ARPP21: variants seen among roughly 807,000 people sequenced by gnomAD.
ARPP21 encodes the protein cAMP regulated phosphoprotein 21.
In ARPP21, 69 loss-of-function variants were observed where a neutral mutation model predicts 113.2. The ratio of observed to expected loss-of-function variants is 0.61; its 90% CI spans 0.50 to 0.74. ARPP21 has a LOEUF of 0.74. Among genes scored for constraint, ARPP21 ranks in the 30% least tolerant of loss-of-function variants. ARPP21 has a pLI of 0.00. For synonymous variants in ARPP21, 368 were observed against 375.5 expected (o/e 0.98, Z 0.23); for missense variants, 1,070 against 1,037.4 (o/e 1.03, Z -0.43).
chr3:35,652,296 A>T (rs1169138919), intron 1 of ARPP21, among the ~76,000 whole-genome samples: 1 of 152,096 alleles, frequency 6.6e-6, no homozygotes, highest in African/African-American at 2.4e-5. Flanking sequence ...ATGATTTCAA[A>T]TAAAATTACA....
At chr3:35,661,634 T>C (rs1273720286) in intron 1 of ARPP21, among the ~76,000 whole-genome samples, 1 of 152,160 alleles carries the variant, frequency 6.6e-6, no homozygotes, top group Non-Finnish European at 1.5e-5. Flanking sequence ...ATTCAAAAAA[T>C]CAACAGTATT....
At chr3:35,765,405 A>T (rs920846674) in intron 19 of ARPP21, among the ~76,000 whole-genome samples, 2 of 152,148 alleles carry the variant, frequency 1.3e-5, no homozygotes, top group African/African-American at 4.8e-5. Flanking sequence ...CGAGTGGGGT[A>T]GAAGGGAAAT....
intron 5 of ARPP21, 116 bp from the exon 6 acceptor site, chr3:35,687,623 A>G: frequency 1.1e-6 from 1 of 933,670 alleles, no homozygotes; most frequent in Non-Finnish European, 1.6e-6. Context: ...CCATTTAGAA[A>G]AAAAAAATCT....
In ARPP21 at chr3:35,666,286, G is replaced by A. The variant is rs148136288; in HGVS notation, c.-212-13501G>A. Among the ~76,000 whole-genome samples, 7 of 152,178 alleles carry A rather than the reference G, an allele frequency of 4.6e-5. No individual in the cohort carries two copies. The East Asian group carries it at 1.2e-3, about 25-fold the overall frequency. On this transcript the variant is annotated intron_variant, in intron 1 of 20. Transcript: ENST00000684406. ...ATTTTTTACTGGTTTCTTGTAGAGG[G>A]AAGCAAGCTTAGAACAAAATATTCC...
intron 19 of ARPP21, among the ~76,000 whole-genome samples, chr3:35,759,668 TTC>T (rs66771543): frequency 0.015 from 2,038 of 138,450 alleles, 40 homozygotes; most frequent in African/African-American, 0.046. Flanking sequence ...TCCTTTCATT[TTC>T]TCTCTCTGTG....
intron 1 of ARPP21, among the ~76,000 whole-genome samples, chr3:35,647,405 G>T (rs1308183954): frequency 6.6e-6 from 1 of 152,092 alleles, no homozygotes; most frequent in Non-Finnish European, 1.5e-5. Flanking sequence ...GCTTCTGATT[G>T]AAACTCAGAT....
rs1398363241 is a variant in ARPP21 at position 35,793,759 on chromosome 3, T to C, written c.2345T>C (p.Met782Thr). 3.1e-6 allele frequency: 5 copies of C among 1,613,794 alleles called. No individual in the cohort carries two copies. In the African/African-American group the frequency reaches 5.3e-5, roughly 17 times the overall value. The change falls in exon 21 of 21, where the codon ATG becomes ACG. Residue 782 changes from methionine (M) to threonine (T), a missense_variant. Met to Thr is a moderately conservative substitution (Grantham distance 81). Transcript: ENST00000684406. ...LPQQSYQQPIMLPNQAGQGSL... is the reference protein window; with the variant it reads ...LPQQSYQQPITLPNQAGQGSL... ...CAGCAGTCATACCAACAGCCAATCA[T>C]GCTACCTAACCAGGCAGGTCAAGGG...
intron 9 of ARPP21, among the ~76,000 whole-genome samples, chr3:35,692,657 C>T (rs1243167049): frequency 6.6e-6 from 1 of 151,612 alleles, no homozygotes; most frequent in Non-Finnish European, 1.5e-5. Flanking sequence ...AGACATGTTT[C>T]CTCGGAGAAT....
Position 35,690,872 on chromosome 3 carries a change from T to C in ARPP21, c.553T>C (p.Tyr185His). ...IDFIADNNNH[Y>H]KKFPQMSSYQ... ...TCTTGAATTATGTTCTAGTAATCAT[T>C]ATAAAAAGTTCCCTCAGATGTCATC... Residue 185 changes from tyrosine (Y) to histidine (H), a missense_variant, in exon 9 of 21, where the codon TAT (tyrosine) becomes CAT (histidine). Physicochemically the swap from Tyr to His is moderately conservative, Grantham distance 83 (BLOSUM62 2). Coordinates refer to ENST00000684406, the MANE Select transcript of ARPP21 (RefSeq NM_001385562.1). 1 of 1,604,068 alleles carries C rather than the reference T, an allele frequency of 6.2e-7. No individual in the cohort carries two copies. The highest frequency in any genetic ancestry group is 8.5e-7 in the Non-Finnish European group (1 of 1,175,936).
chr3:35,669,673 G>C (rs923324031), intron 1 of ARPP21, among the ~76,000 whole-genome samples: 2 of 152,010 alleles, frequency 1.3e-5, no homozygotes, highest in African/African-American at 4.8e-5. Flanking sequence ...CACCCAAGTG[G>C]GTGGGTTAAC....
At chr3:35,663,915 A>G (rs530518903) in intron 1 of ARPP21, among the ~76,000 whole-genome samples, 3 of 152,306 alleles carry the variant, frequency 2.0e-5, no homozygotes, top group Non-Finnish European at 2.9e-5. Context: ...AGGGCATTTA[A>G]CATGTTTGCT....
At chr3:35,703,148 A>T (rs2087143366) in intron 9 of ARPP21, among the ~76,000 whole-genome samples, 1 of 151,902 alleles carries the variant, frequency 6.6e-6, no homozygotes, top group African/African-American at 2.4e-5. Context: ...ATTAAGGTTA[A>T]CTATTTGGAA....
At chr3:35,716,060 G>A (rs1050358303) in intron 12 of ARPP21, among the ~76,000 whole-genome samples, 1 of 151,946 alleles carries the variant, frequency 6.6e-6, no homozygotes, top group African/African-American at 2.4e-5. Flanking sequence ...TAAAATAAAT[G>A]GGTTATAAAA....
intron 12 of ARPP21, among the ~76,000 whole-genome samples, chr3:35,716,622 G>T (rs1431082202): frequency 6.6e-6 from 1 of 151,974 alleles, no homozygotes; most frequent in Non-Finnish European, 1.5e-5. Flanking sequence ...TCTTGCAGGT[G>T]ATTTCTAAAG....
At chr3:35,739,066 C>T (rs1464933499) in intron 17 of ARPP21, among the ~76,000 whole-genome samples, 1 of 152,178 alleles carries the variant, frequency 6.6e-6, no homozygotes, top group Non-Finnish European at 1.5e-5. Context: ...TAATTTGTTT[C>T]CATTGAAAGA....
chr3:35,653,964 A>G (rs962281856), intron 1 of ARPP21, among the ~76,000 whole-genome samples: 22 of 152,032 alleles, frequency 1.4e-4, no homozygotes, highest in Non-Finnish European at 2.8e-4. Context: ...TGGCTTTTAT[A>G]AAGTGTCAAC....
chr3:35,685,158 C>G (rs1382144397), intron 5 of ARPP21: 1 of 985,274 alleles, frequency 1.0e-6, no homozygotes, highest in Non-Finnish European at 1.2e-6. Flanking sequence ...ACTTAATCTG[C>G]TTTTTGTCCC....
chr3:35,659,553 T>C (rs1706691577), intron 1 of ARPP21, among the ~76,000 whole-genome samples: 1 of 152,130 alleles, frequency 6.6e-6, no homozygotes, highest in African/African-American at 2.4e-5. Flanking sequence ...TTGGTGAACT[T>C]ACAGCCTGAC....
At chr3:35,721,180 G>C (rs2093032402) in intron 13 of ARPP21, among the ~76,000 whole-genome samples, 2 of 152,172 alleles carry the variant, frequency 1.3e-5, no homozygotes, top group Admixed American at 6.5e-5. Flanking sequence ...TAAAGAGAGA[G>C]AAAAAGTCTT....
Sources: gnomAD v4.1 joint callset for allele counts (sites outside exome capture counted in the v4.1 genomes callset) on GRCh38, gnomAD v4.1.1 for gene constraint, MANE v1.5 for transcripts, NCBI Gene and HGNC (gene_info 2026-07-23, HGNC 2026-07-21) for gene names.